Variants in RAPGEF1 observed in about 807,000 individuals in gnomAD.
The protein encoded by RAPGEF1 is CRK SH3-binding GNRP.
A neutral mutation model predicts 143.3 loss-of-function variants in RAPGEF1; 33 were observed. The ratio of observed to expected loss-of-function variants is 0.23; its 90% CI spans 0.17 to 0.31. RAPGEF1 has a LOEUF of 0.31. Among genes scored for constraint, RAPGEF1 ranks in the 10% least tolerant of loss-of-function variants. RAPGEF1 has a pLI of 1.00. For synonymous variants in RAPGEF1, 629 were observed against 676.5 expected (o/e 0.93, Z 1.09); for missense variants, 1,199 against 1,645.4 (o/e 0.73, Z 4.69).
At chr9:131,656,476 G>A (rs1564635301) in intron 1 of RAPGEF1, among the ~76,000 whole-genome samples, 3 of 152,210 alleles carry the variant, frequency 2.0e-5, no homozygotes, top group Non-Finnish European at 4.4e-5. Flanking sequence ...CCTAATCCAT[G>A]TGACTTGTAT....
At chr9:131,737,422 C>A (rs199899788) in intron 1 of RAPGEF1, 1 of 1,613,906 alleles carries the variant, frequency 6.2e-7, no homozygotes, top group Non-Finnish European at 8.5e-7. Flanking sequence ...CATGGCAGCA[C>A]GGTCGCTCGG....
intron 25 of RAPGEF1, among the ~76,000 whole-genome samples, chr9:131,582,349 GA>G (rs1951991946): frequency 6.6e-6 from 1 of 151,592 alleles, no homozygotes; most frequent in South Asian, 2.1e-4. Context: ...TGGGAAAGGA[GA>G]ACCCGTATTC....
chr9:131,608,226 G>A (rs1379762463), intron 12 of RAPGEF1, among the ~76,000 whole-genome samples: 5 of 152,200 alleles, frequency 3.3e-5, no homozygotes, highest in Admixed American at 6.5e-5. Context: ...GTGCTGGTGC[G>A]GACGACCTCT....
intron 1 of RAPGEF1, among the ~76,000 whole-genome samples, chr9:131,687,113 GGAC>G (rs2130979293): frequency 6.6e-6 from 1 of 152,262 alleles, no homozygotes; most frequent in African/African-American, 2.4e-5. Flanking sequence ...ATGCAAGCCT[GGAC>G]AACAGATTCA....
intron 5 of RAPGEF1, among the ~76,000 whole-genome samples, chr9:131,637,421 C>A (rs1262558259): frequency 6.6e-6 from 1 of 152,162 alleles, no homozygotes; most frequent in Non-Finnish European, 1.5e-5. Flanking sequence ...CAATGCTGAG[C>A]AATGCTTTCT....
rs772006955 is a variant in RAPGEF1, at chr9:131,629,183, G to C, written c.812C>G (p.Thr271Ser). The change falls in exon 7 of 27, where the codon ACT becomes AGT. Residue 271 changes from threonine (T) to serine (S), a missense_variant. Transcript: ENST00000683357. ...ATCCGTGGCATCTGGGAGGAGCTCA[G>C]TTGACTGTGACATCCCAGTCGTCTT... ...LNKTTGMSQS[T>S]ELLPDATDEE... The C allele has an allele frequency of 8.1e-6, 13 of 1,613,938 alleles. No homozygotes were observed. The Admixed American group carries it at 1.3e-4, about 17-fold the overall frequency.
chr9:131,615,304 GACCTC>G (rs1958784969), intron 12 of RAPGEF1, among the ~76,000 whole-genome samples: 1 of 152,176 alleles, frequency 6.6e-6, no homozygotes, highest in Non-Finnish European at 1.5e-5. Flanking sequence ...TTGATTTCCT[GACCTC>G]GTGATCCGCC....
At chr9:131,736,021 G>A (rs980913930) in intron 1 of RAPGEF1, among the ~76,000 whole-genome samples, 15 of 152,108 alleles carry the variant, frequency 9.9e-5, no homozygotes, top group Non-Finnish European at 2.1e-4. Context: ...AACTCTCCTC[G>A]CTCAATGTCT....
chr9:131,692,598 C>G (rs1833860707), intron 1 of RAPGEF1, among the ~76,000 whole-genome samples: 2 of 152,250 alleles, frequency 1.3e-5, no homozygotes, highest in Non-Finnish European at 2.9e-5. Flanking sequence ...CAAACCAGGA[C>G]AAGCTGACAA....
At chr9:131,699,638 T>C (rs560434757) in intron 1 of RAPGEF1, among the ~76,000 whole-genome samples, 1 of 152,148 alleles carries the variant, frequency 6.6e-6, no homozygotes, top group Non-Finnish European at 1.5e-5. Flanking sequence ...CCAGTCAGCA[T>C]CATGTGTCAC....
rs1421934386 is a variant in RAPGEF1 at position 131,677,227 on chromosome 9, A to T, written c.62-26278T>A. Among the ~76,000 whole-genome samples, 7 of 152,382 alleles carry T rather than the reference A, an allele frequency of 4.6e-5. No individual in the cohort carries two copies. The East Asian group carries it at 1.3e-3, about 29-fold the overall frequency. On this transcript the variant is annotated intron_variant, in intron 1 of 26. Coordinates refer to ENST00000683357, the MANE Select transcript of RAPGEF1 (RefSeq NM_001377935.1). ...TTGGCTGGTTGTTCACTGAGTAAGCAGCACAACTGTATTTTCCAGCAACTT... is the reference window on the plus strand; with the variant it reads ...TTGGCTGGTTGTTCACTGAGTAAGCTGCACAACTGTATTTTCCAGCAACTT...
chr9:131,702,589 G>A (rs142522670), intron 1 of RAPGEF1, among the ~76,000 whole-genome samples: 1 of 152,290 alleles, frequency 6.6e-6, no homozygotes, highest in East Asian at 1.9e-4. Context: ...GTGCTTGAGA[G>A]TAACTGGTAA....
At position 131,638,625 on chromosome 9, in the gene RAPGEF1, G is replaced by A. The variant is rs1039204992; in HGVS notation, c.651+10C>T. On this transcript the variant is annotated intron_variant, in intron 5 of 26. Coordinates refer to ENST00000683357, the MANE Select transcript of RAPGEF1 (RefSeq NM_001377935.1). ...CCCTGACTGGGACTGTCTGGAACCT[G>A]CACCGGTACCTTCACTCCATCCAGC... The A allele has an allele frequency of 6.8e-6, 11 of 1,613,864 alleles. No individual in the cohort carries two copies. Among genetic ancestry groups the A allele is most frequent in the Non-Finnish European group, 9.3e-6 (11 of 1,179,764 alleles).
At chr9:131,701,097 T>C (rs1343437053) in intron 1 of RAPGEF1, among the ~76,000 whole-genome samples, 8 of 152,062 alleles carry the variant, frequency 5.3e-5, no homozygotes, top group Admixed American at 5.2e-4. Flanking sequence ...TTAGAAGCAA[T>C]CAGTGAAAAG....
chr9:131,601,928 A>G (rs1956332216), intron 15 of RAPGEF1, 133 bp downstream of exon 15: 9 of 654,126 alleles, frequency 1.4e-5, no homozygotes, highest in Non-Finnish European at 2.1e-5. Flanking sequence ...AAAAGGAAAT[A>G]AGGAAAGAAG....
chr9:131,737,422 C>G (rs199899788), intron 1 of RAPGEF1: 6 of 1,613,908 alleles, frequency 3.7e-6, no homozygotes, highest in Non-Finnish European at 5.1e-6. Context: ...CATGGCAGCA[C>G]GGTCGCTCGG....
intron 14 of RAPGEF1, 125 bp downstream of exon 14, chr9:131,603,836 T>C (rs1956668561): frequency 6.5e-6 from 3 of 464,430 alleles, no homozygotes; most frequent in Non-Finnish European, 7.1e-6. Flanking sequence ...AGGAGCCCAG[T>C]CTGCTGGTGA....
intron 12 of RAPGEF1, 74 bp from the exon 13 acceptor site, chr9:131,605,262 G>T (rs1265004171): frequency 3.4e-6 from 4 of 1,171,662 alleles, no homozygotes; most frequent in Non-Finnish European, 3.3e-6. Context: ...TAGATTGGCA[G>T]TAGCTGAGCA....
In RAPGEF1 at chr9:131,631,621, T is replaced by C. The variant is rs976063944; in HGVS notation, c.652-1297A>G. ...CAGAGGAGGTGGCAGCGGATGCCAG[T>C]GGGCAACACAGTAACCAGAGACCCT... On this transcript the variant is annotated intron_variant, in intron 5 of 26. Coordinates refer to ENST00000683357, the MANE Select transcript of RAPGEF1 (RefSeq NM_001377935.1). 5.9e-5 allele frequency among the ~76,000 whole-genome samples: 9 copies of C among 152,340 alleles called. No individual in the cohort carries two copies. The East Asian group carries it at 1.2e-3, about 20-fold the overall frequency.
Sources: allele counts gnomAD v4.1 joint callset (sites outside exome capture counted in the v4.1 genomes callset), GRCh38; gene constraint gnomAD v4.1.1; transcripts MANE v1.5; gene names NCBI Gene and HGNC (gene_info 2026-07-23, HGNC 2026-07-21).